Variants in C10orf90 observed in about 807,000 individuals in gnomAD.
C10orf90 encodes the protein chromosome 10 open reading frame 90, also known as (E2-independent) E3 ubiquitin-conjugating enzyme FATS.
A neutral mutation model predicts 62.5 loss-of-function variants in C10orf90; 56 were observed. The ratio of observed to expected loss-of-function variants is 0.90; its 90% CI spans 0.72 to 1.12. The LOEUF (loss-of-function observed/expected upper bound fraction) is 1.12. Among genes scored for constraint, C10orf90 ranks in the 50% most tolerant of loss-of-function variants. The probability of loss-of-function intolerance (pLI) is 0.00; values close to 1 mark genes in which losing one functional copy is unlikely to be tolerated. For synonymous variants in C10orf90, 386 were observed against 340.4 expected (o/e 1.13, Z -1.47); for missense variants, 970 against 880.4 (o/e 1.10, Z -1.29).
rs79859583 is a variant in C10orf90 at position 126,652,289 on chromosome 10, T to C, written c.241-5652A>G. On this transcript the variant is annotated intron_variant, in intron 1 of 9. Coordinates refer to ENST00000488181, the MANE Select transcript of C10orf90 (RefSeq NM_001350921.2). The stretch of plus-strand genomic sequence containing the variant: ...ATAAATCAGCATGAAAAGCATTAGA[T>C]TTTTCATTTAGATTCTCAATTGCCT... Among the ~76,000 whole-genome samples the C allele has an allele frequency of 2.8e-3, 433 of 152,272 alleles. 4 individuals carry two copies. The highest frequency in any genetic ancestry group is 9.4e-3 in the African/African-American group (389 of 41,552).
chr10:126,604,941 C>T (rs1845275225), intron 2 of C10orf90, among the ~76,000 whole-genome samples: 1 of 152,170 alleles, frequency 6.6e-6, no homozygotes, highest in Non-Finnish European at 1.5e-5. Context: ...TTTCACTCCA[C>T]CATGCTCTTT....
chr10:126,570,148 C>T (rs551768299), intron 2 of C10orf90, among the ~76,000 whole-genome samples: 1 of 152,334 alleles, frequency 6.6e-6, no homozygotes, highest in East Asian at 1.9e-4. Flanking sequence ...GTAATTGCAG[C>T]CCCTGGTTTA....
chr10:126,461,699 T>C, intron 5 of C10orf90, 114 bp from the exon 6 acceptor site: 1 of 1,052,990 alleles, frequency 9.5e-7, no homozygotes, highest in Non-Finnish European at 1.4e-6. Flanking sequence ...CAGTGGACTA[T>C]TAATGGGCCT....
At chr10:126,668,145 T>C (rs771789721) in intron 1 of C10orf90, among the ~76,000 whole-genome samples, 16 of 152,170 alleles carry the variant, frequency 1.1e-4, no homozygotes, top group Non-Finnish European at 2.2e-4. Context: ...TACACTAAAA[T>C]CAAGCAGATT....
intron 4 of C10orf90, among the ~76,000 whole-genome samples, chr10:126,475,061 G>A (rs925784295): frequency 6.6e-6 from 1 of 152,232 alleles, no homozygotes; most frequent in Non-Finnish European, 1.5e-5. Context: ...CTCCAGCACT[G>A]AGCAGTGAAT....
chr10:126,591,239 A>G (rs1844973238), intron 2 of C10orf90, among the ~76,000 whole-genome samples: 1 of 152,206 alleles, frequency 6.6e-6, no homozygotes, highest in Non-Finnish European at 1.5e-5. Context: ...CAGAGATACA[A>G]CAAAAAAAGA....
At chr10:126,583,092 G>A (rs1363982745) in intron 2 of C10orf90, among the ~76,000 whole-genome samples, 1 of 152,176 alleles carries the variant, frequency 6.6e-6, no homozygotes, top group East Asian at 1.9e-4. Flanking sequence ...TCACTCCATA[G>A]TTATGACAAC....
intron 2 of C10orf90, among the ~76,000 whole-genome samples, chr10:126,580,313 T>C (rs1052511312): frequency 2.6e-5 from 4 of 152,204 alleles, no homozygotes; most frequent in African/African-American, 9.6e-5. Context: ...AAATCCATTT[T>C]CCCAATGGCT....
At position 126,655,520 on chromosome 10, in the gene C10orf90, A is replaced by G. The variant is rs563935195; in HGVS notation, c.241-8883T>C. Among the ~76,000 whole-genome samples, 9 of 152,344 alleles carry G rather than the reference A, an allele frequency of 5.9e-5. No homozygotes were observed. In the East Asian group the frequency reaches 1.7e-3, roughly 29 times the overall value. ...ACCTTCAACTTGTAAAGTATGTGATATCTGCAAAGTACAATAAAGTAAAGT... is the reference window on the plus strand; with the variant it reads ...ACCTTCAACTTGTAAAGTATGTGATGTCTGCAAAGTACAATAAAGTAAAGT... On this transcript the variant is annotated intron_variant, in intron 1 of 9. Coordinates refer to ENST00000488181, the MANE Select transcript of C10orf90 (RefSeq NM_001350921.2).
intron 2 of C10orf90, among the ~76,000 whole-genome samples, chr10:126,639,046 G>A (rs1019208443): frequency 2.6e-5 from 4 of 152,198 alleles, no homozygotes; most frequent in African/African-American, 9.7e-5. Flanking sequence ...ACTTGGATGA[G>A]CAAATATTAC....
chr10:126,585,318 G>C (rs896162130), intron 2 of C10orf90, among the ~76,000 whole-genome samples: 1 of 144,218 alleles, frequency 6.9e-6, no homozygotes, highest in South Asian at 2.2e-4. Flanking sequence ...GGGAGGAAGG[G>C]GAGGAAGAGA....
chr10:126,467,023 G>A (rs2133750782), intron 4 of C10orf90, among the ~76,000 whole-genome samples: 1 of 152,312 alleles, frequency 6.6e-6, no homozygotes, highest in Admixed American at 6.5e-5. Context: ...TATCAGTGAT[G>A]CAGTCTCAAT....
chr10:126,642,150 G>A (rs1472376854), intron 2 of C10orf90, among the ~76,000 whole-genome samples: 1 of 152,142 alleles, frequency 6.6e-6, no homozygotes, highest in East Asian at 1.9e-4. Context: ...TTGTTTAAGA[G>A]CAAACCAAGA....
chr10:126,634,212 A>G (rs903676130), intron 2 of C10orf90, among the ~76,000 whole-genome samples: 1 of 152,256 alleles, frequency 6.6e-6, no homozygotes, highest in Non-Finnish European at 1.5e-5. Flanking sequence ...CACAGTATCC[A>G]AGAATCAACC....
At chr10:126,647,082 A>G (rs1454815857) in intron 1 of C10orf90, among the ~76,000 whole-genome samples, 1 of 152,220 alleles carries the variant, frequency 6.6e-6, no homozygotes, top group East Asian at 1.9e-4. Context: ...AACAAGCAGA[A>G]TGTATAGGAA....
At chr10:126,528,828 G>T (rs1864018769) in intron 2 of C10orf90, among the ~76,000 whole-genome samples, 1 of 152,224 alleles carries the variant, frequency 6.6e-6, no homozygotes, top group Non-Finnish European at 1.5e-5. Flanking sequence ...CAGCCCCTTT[G>T]TATGTGTGAG....
rs1417941003 is a variant in C10orf90, at chr10:126,576,736, AT to A, written c.314-62798del. Among the ~76,000 whole-genome samples, 306 of 57,742 alleles carry A rather than the reference AT, an allele frequency of 5.3e-3. 10 individuals carry two copies. The highest frequency in any genetic ancestry group is 0.018 in the African/African-American group (231 of 13,004). 37.9% of individuals were successfully genotyped at this position (57,742 alleles called of 152,430 possible). On this transcript the variant is annotated intron_variant, in intron 2 of 9. Coordinates refer to ENST00000488181, the MANE Select transcript of C10orf90 (RefSeq NM_001350921.2). ...ATATACAAGATATACATATATATGT[AT>A]ATGTATATATACATATAGATAATAT...
At chr10:126,585,510 A>C (rs2134021580) in intron 2 of C10orf90, among the ~76,000 whole-genome samples, 1 of 152,026 alleles carries the variant, frequency 6.6e-6, no homozygotes, top group African/African-American at 2.4e-5. Flanking sequence ...GAAAGAAAAA[A>C]GAGCAGAAAG....
chr10:126,639,209 G>T (rs141155880), intron 2 of C10orf90, among the ~76,000 whole-genome samples: 1 of 152,158 alleles, frequency 6.6e-6, no homozygotes, highest in Admixed American at 6.5e-5. Context: ...GGCTTGATCG[G>T]TGATTCAGAT....
Sources: allele counts gnomAD v4.1 joint callset (sites outside exome capture counted in the v4.1 genomes callset), GRCh38; gene constraint gnomAD v4.1.1; transcripts MANE v1.5; gene names NCBI Gene and HGNC (gene_info 2026-07-23, HGNC 2026-07-21).